The following PTK2 variants were observed in gnomAD, a reference collection of about 807,000 sequenced individuals.
PTK2 encodes the protein protein tyrosine kinase 2, also known as focal adhesion kinase 1.
A neutral mutation model predicts 150.1 loss-of-function variants in PTK2; 45 were observed. That is an observed-to-expected ratio of 0.30 (90% confidence interval 0.24 to 0.38). The LOEUF is 0.38. PTK2 is among the 10% of genes least tolerant of loss of function. PTK2 has a pLI of 1.00. For synonymous variants in PTK2, 432 were observed against 449.2 expected, an observed-to-expected ratio of 0.96 and a Z score of 0.48; for missense variants, 919 against 1,307.3, an observed-to-expected ratio of 0.70 and a Z score of 4.58.
intron 5 of PTK2, among the ~76,000 whole-genome samples, chr8:140,846,883 T>C (rs555776590): frequency 3.9e-5 from 6 of 152,276 alleles, no homozygotes; most frequent in African/African-American, 1.4e-4. Flanking sequence ...ATGTTAAAGA[T>C]ATAAATAAAT....
At chr8:140,970,909 C>CA (rs2100187026) in intron 1 of PTK2, among the ~76,000 whole-genome samples, 1 of 149,672 alleles carries the variant, frequency 6.7e-6, no homozygotes, top group Non-Finnish European at 1.5e-5. Context: ...AACCAAAAAA[C>CA]AAAAAACTTG....
intron 10 of PTK2, among the ~76,000 whole-genome samples, chr8:140,811,304 A>C (rs1273115125): frequency 2.6e-5 from 4 of 152,192 alleles, no homozygotes; most frequent in African/African-American, 9.6e-5. Flanking sequence ...GGGGCTGGGC[A>C]CTGGTCCCCT....
chr8:140,793,682 T>C (rs2100089920), intron 12 of PTK2, among the ~76,000 whole-genome samples: 1 of 152,266 alleles, frequency 6.6e-6, no homozygotes, highest in Non-Finnish European at 1.5e-5. Flanking sequence ...GAAGGGTTTC[T>C]TATGATTAGT....
intron 1 of PTK2, among the ~76,000 whole-genome samples, chr8:140,930,174 G>A (rs1292929356): frequency 6.6e-6 from 1 of 152,180 alleles, no homozygotes; most frequent in Non-Finnish European, 1.5e-5. Flanking sequence ...ATGTTTGATA[G>A]AAGGGGAATG....
chr8:140,966,916 A>C (rs1466546638), intron 1 of PTK2, among the ~76,000 whole-genome samples: 1 of 152,116 alleles, frequency 6.6e-6, no homozygotes, highest in African/African-American at 2.4e-5. Flanking sequence ...ATTTCCTTTC[A>C]CCACCTTGCT....
chr8:140,855,026 T>C (rs762801266), intron 5 of PTK2, among the ~76,000 whole-genome samples: 9 of 152,192 alleles, frequency 5.9e-5, no homozygotes, highest in Non-Finnish European at 1.0e-4. Context: ...TCTTGCTCTG[T>C]CACCCAGGCT....
intron 14 of PTK2, chr8:140,765,172 T>C (rs1346292851): frequency 6.6e-6 from 1 of 152,226 alleles, no homozygotes; most frequent in Non-Finnish European, 1.5e-5. Flanking sequence ...TGGGCCATTC[T>C]TGTGAGTCAG....
chr8:140,837,785 A>C (rs757177656), intron 7 of PTK2, among the ~76,000 whole-genome samples: 9 of 150,678 alleles, frequency 6.0e-5, no homozygotes, highest in Non-Finnish European at 1.0e-4. Flanking sequence ...GCAGCTGGGC[A>C]CGGTGGCTTA....
rs144797532 is a variant in PTK2, at chr8:140,773,828, A to T, written c.1178-9538T>A. ...TTGTTTCACAAATTCTAGGAATGTG[A>T]AGATAATGGGTAAGGCCACTAGTCA... On this transcript the variant is annotated intron_variant, in intron 14 of 31. Transcript: ENST00000522684. 1.8e-3 allele frequency among the ~76,000 whole-genome samples: 278 copies of T among 152,320 alleles called. 1 individual carries two copies. The South Asian group carries it at 0.027, about 15-fold the overall frequency.
chr8:140,842,170 G>A (rs552925663), intron 7 of PTK2, among the ~76,000 whole-genome samples: 2 of 152,036 alleles, frequency 1.3e-5, no homozygotes, highest in African/African-American at 4.8e-5. Context: ...TATGATGGTG[G>A]TTATCAGTGA....
chr8:140,698,315 A>G (rs2100028087), intron 26 of PTK2, among the ~76,000 whole-genome samples: 2 of 152,222 alleles, frequency 1.3e-5, no homozygotes, highest in Non-Finnish European at 2.9e-5. Context: ...TAAAAACACA[A>G]ATCAATTCTG....
chr8:140,971,629 A>G (rs979522059), intron 1 of PTK2, among the ~76,000 whole-genome samples: 1 of 152,260 alleles, frequency 6.6e-6, no homozygotes, highest in Non-Finnish European at 1.5e-5. Flanking sequence ...AAAGGAAAAC[A>G]GTACTTATAT....
intron 17 of PTK2, among the ~76,000 whole-genome samples, chr8:140,748,471 T>C (rs999354683): frequency 7.4e-6 from 1 of 134,654 alleles, no homozygotes; most frequent in African/African-American, 2.9e-5. Context: ...CCATCCAGCC[T>C]GGGCGACAGA....
chr8:140,979,018 C>A (rs2100190392), intron 1 of PTK2, among the ~76,000 whole-genome samples: 2 of 149,820 alleles, frequency 1.3e-5, no homozygotes, highest in Non-Finnish European at 3.0e-5. Context: ...GACAAAAAAA[C>A]CAAACACCCC....
chr8:140,843,546 T>C (rs1279943864), intron 7 of PTK2, among the ~76,000 whole-genome samples: 3 of 151,658 alleles, frequency 2.0e-5, no homozygotes, highest in Non-Finnish European at 4.4e-5. Context: ...TGAAAGATGA[T>C]CACATGTGTT....
chr8:140,784,763 C>T (rs964244060), intron 14 of PTK2, among the ~76,000 whole-genome samples: 8 of 152,184 alleles, frequency 5.3e-5, no homozygotes, highest in African/African-American at 1.9e-4. Flanking sequence ...CAGAACAATA[C>T]AGGCAGGGAC....
chr8:140,909,195 A>AAGGGG (rs765997872), intron 2 of PTK2: 4 of 154,344 alleles, frequency 2.6e-5, no homozygotes, highest in Middle Eastern at 5.2e-4. Context: ...AGGGGAAGGG[A>AAGGGG]AGGGGAGGGG....
chr8:140,679,133 T>C (rs2153522874), intron 27 of PTK2, among the ~76,000 whole-genome samples: 1 of 148,128 alleles, frequency 6.8e-6, no homozygotes, highest in Middle Eastern at 3.5e-3. Flanking sequence ...CAAGTGATTC[T>C]CCTGCCTCAG....
At chr8:140,911,608 G>A (rs1292408229) in intron 2 of PTK2, among the ~76,000 whole-genome samples, 2 of 152,018 alleles carry the variant, frequency 1.3e-5, no homozygotes, top group African/African-American at 4.8e-5. Flanking sequence ...ACATATGTGT[G>A]TACATTTATC....
Sources: gnomAD v4.1 joint callset for allele counts (sites outside exome capture counted in the v4.1 genomes callset) on GRCh38, gnomAD v4.1.1 for gene constraint, MANE v1.5 for transcripts, NCBI Gene and HGNC (gene_info 2026-07-23, HGNC 2026-07-21) for gene names.